Variants in GLG1 observed in about 807,000 individuals in gnomAD.
The protein encoded by GLG1 is golgi glycoprotein 1, also known as Golgi apparatus protein 1.
In GLG1, 38 loss-of-function variants were observed where a neutral mutation model predicts 160.5. The ratio of observed to expected loss-of-function variants is 0.24; its 90% CI spans 0.18 to 0.31. The LOEUF is 0.31. Among genes scored for constraint, GLG1 ranks in the 10% least tolerant of loss-of-function variants. GLG1 has a pLI of 1.00. For synonymous variants in GLG1, 644 were observed against 543.4 expected, an observed-to-expected ratio of 1.19 and a Z score of -2.57; for missense variants, 1,373 against 1,505.2, an observed-to-expected ratio of 0.91 and a Z score of 1.45.
chr16:74,542,723 A>G (rs1407976387), intron 1 of GLG1, among the ~76,000 whole-genome samples: 5,510 of 106,060 alleles, frequency 0.052, 1,186 homozygotes, highest in South Asian at 0.12. Context: ...GAAGGGAAGG[A>G]AGGAAGGAAG....
intron 4 of GLG1, among the ~76,000 whole-genome samples, chr16:74,501,047 GC>G (rs2016386038): frequency 6.6e-6 from 1 of 152,206 alleles, no homozygotes; most frequent in Non-Finnish European, 1.5e-5. Flanking sequence ...AGAGTTTCAA[GC>G]TTCAGTGGCA....
chr16:74,482,924 AAG>A (rs2015654999), intron 10 of GLG1, 97 bp downstream of exon 10: 1 of 750,634 alleles, frequency 1.3e-6, no homozygotes, highest in Admixed American at 2.0e-5. Flanking sequence ...ACTGAACAAA[AAG>A]AGTTTCCTAC....
intron 1 of GLG1, among the ~76,000 whole-genome samples, chr16:74,551,469 TA>T (rs1203676008): frequency 5.4e-5 from 3 of 55,526 alleles, no homozygotes; most frequent in African/African-American, 1.2e-4. Flanking sequence ...CATGTCTGGC[TA>T]TTTTTTTTTT....
chr16:74,493,179 T>A, intron 6 of GLG1, 39 bp from the exon 7 acceptor site: 10 of 1,456,626 alleles, frequency 6.9e-6, no homozygotes, highest in Non-Finnish European at 9.5e-6. Flanking sequence ...AGACCACTCA[T>A]GTAACTTTAC....
intron 1 of GLG1, among the ~76,000 whole-genome samples, chr16:74,572,266 T>G (rs923479352): frequency 2.6e-5 from 4 of 152,108 alleles, no homozygotes; most frequent in African/African-American, 9.7e-5. Flanking sequence ...ATCCCAGCAC[T>G]TGGGGAGGCC....
intron 4 of GLG1, among the ~76,000 whole-genome samples, chr16:74,497,757 T>C (rs1567482603): frequency 6.6e-6 from 1 of 152,126 alleles, no homozygotes; most frequent in African/African-American, 2.4e-5. Context: ...TCAGTCAAGT[T>C]AAAAACCAAC....
intron 1 of GLG1, among the ~76,000 whole-genome samples, chr16:74,542,735 G>GAGGAAGGA (rs1193967031): frequency 7.0e-5 from 2 of 28,658 alleles, no homozygotes; most frequent in East Asian, 8.7e-4. Context: ...GGAAGGAAGG[G>GAGGAAGGA]AGGAAGGAAG....
At chr16:74,548,424 G>C (rs563272017) in intron 1 of GLG1, among the ~76,000 whole-genome samples, 1 of 152,282 alleles carries the variant, frequency 6.6e-6, no homozygotes, top group Admixed American at 6.5e-5. Flanking sequence ...TAAGATAACA[G>C]TCCAGACACT....
chr16:74,520,561 A>AG (rs2017129994), intron 2 of GLG1, among the ~76,000 whole-genome samples: 1 of 152,078 alleles, frequency 6.6e-6, no homozygotes, highest in Admixed American at 6.6e-5. Context: ...GCTTGAACCC[A>AG]GGGGGCGGTG....
intron 4 of GLG1, among the ~76,000 whole-genome samples, chr16:74,499,091 A>T (rs2143431931): frequency 6.6e-6 from 1 of 152,304 alleles, no homozygotes; most frequent in Non-Finnish European, 1.5e-5. Flanking sequence ...ACATGAATGA[A>T]CAGAGGCTCA....
intron 1 of GLG1, among the ~76,000 whole-genome samples, chr16:74,557,115 G>A (rs1358026689): frequency 6.6e-6 from 1 of 152,140 alleles, no homozygotes; most frequent in Non-Finnish European, 1.5e-5. Context: ...TGTGGGGTTA[G>A]CAAAAAGTTT....
intron 24 of GLG1, among the ~76,000 whole-genome samples, chr16:74,457,520 C>T (rs1435862827): frequency 6.6e-6 from 1 of 152,250 alleles, no homozygotes; most frequent in Non-Finnish European, 1.5e-5. Flanking sequence ...ACTGAGTCCA[C>T]TGTCGTCACC....
chr16:74,543,215 T>C (rs1475512496), intron 1 of GLG1, among the ~76,000 whole-genome samples: 1 of 152,178 alleles, frequency 6.6e-6, no homozygotes, highest in Non-Finnish European at 1.5e-5. Context: ...CCATCTGAAT[T>C]AAGACAGCAC....
chr16:74,550,824 C>T lies in GLG1; in HGVS notation c.439-18671G>A, dbSNP rs149408009. Among the ~76,000 whole-genome samples the T allele has an allele frequency of 5.1e-4, 77 of 152,180 alleles. 1 individual carries two copies. The highest frequency in any genetic ancestry group is 3.4e-3 in the Middle Eastern group (1 of 294). ...ATATACAGAAACAGCTTTTGGAATG[C>T]TACATTTTGATAATGCTGAACAAGG... On this transcript the variant is annotated intron_variant, in intron 1 of 25. Transcript: ENST00000422840.
chr16:74,542,718 GAAGGA>G lies in GLG1; in HGVS notation c.439-10570_439-10566del, dbSNP rs1567513853. On this transcript the variant is annotated intron_variant, in intron 1 of 25. Coordinates refer to ENST00000422840, the MANE Select transcript of GLG1 (RefSeq NM_001145667.2). ...GGAGGGAGGGAGGAAGGGAAGAAGG[GAAGGA>G]AGGAAGGAAGGGAGGAAGGAAGGAA... Among the ~76,000 whole-genome samples, 479 of 51,418 alleles carry G rather than the reference GAAGGA, an allele frequency of 9.3e-3. 67 individuals carry two copies. The highest frequency in any genetic ancestry group is 0.027 in the African/African-American group (332 of 12,382). The allele number at this position is 51,418 out of a possible 152,430, so 33.7% of individuals were successfully genotyped here. A position where few individuals can be genotyped will look rare whatever the true frequency, so the allele number is the denominator to read the frequency against.
chr16:74,540,084 A>T lies in GLG1; in HGVS notation c.439-7931T>A, dbSNP rs56110552. ...TATATATATATATTATATATATTTT[A>T]TATATATATTATATATATTTTATAT... On this transcript the variant is annotated intron_variant, in intron 1 of 25. Coordinates refer to ENST00000422840, the MANE Select transcript of GLG1 (RefSeq NM_001145667.2). Among the ~76,000 whole-genome samples, 61 of 1,396 alleles carry T rather than the reference A, an allele frequency of 0.044. 27 individuals carry two copies. The South Asian group carries it at 0.5, about 11-fold the overall frequency. The allele number at this position is 1,396 out of a possible 152,430, so 0.9% of individuals were successfully genotyped here.
At chr16:74,455,928 G>C (rs1405197925) in intron 25 of GLG1, among the ~76,000 whole-genome samples, 1 of 152,192 alleles carries the variant, frequency 6.6e-6, no homozygotes, top group Non-Finnish European at 1.5e-5. Flanking sequence ...TGCACGAGAA[G>C]AACTGTTATT....
chr16:74,579,372 T>A (rs549828971), intron 1 of GLG1, among the ~76,000 whole-genome samples: 2 of 151,210 alleles, frequency 1.3e-5, no homozygotes, highest in Admixed American at 1.3e-4. Flanking sequence ...GCCGTGATTG[T>A]GCCAGTGCAC....
intron 1 of GLG1, among the ~76,000 whole-genome samples, chr16:74,540,572 A>T (rs1460672624): frequency 6.6e-6 from 1 of 151,672 alleles, no homozygotes; most frequent in Non-Finnish European, 1.5e-5. Context: ...TGCAATGACA[A>T]GAGTTTTTAA....
Sources: allele counts gnomAD v4.1 joint callset (sites outside exome capture counted in the v4.1 genomes callset), GRCh38; gene constraint gnomAD v4.1.1; transcripts MANE v1.5; gene names NCBI Gene and HGNC (gene_info 2026-07-23, HGNC 2026-07-21).